The following ST7L variants were observed in gnomAD, a reference collection of about 807,000 sequenced individuals.
ST7L encodes suppressor of tumorigenicity 7 protein-like.
A neutral mutation model predicts 72.5 loss-of-function variants in ST7L; 57 were observed. That is an observed-to-expected ratio of 0.79 (90% confidence interval 0.64 to 0.98). The LOEUF (loss-of-function observed/expected upper bound fraction) is 0.98. Ranked by LOEUF, ST7L falls within the 50% of genes least tolerant of loss-of-function variation. The pLI, the probability that ST7L is intolerant of heterozygous loss-of-function variation, is 0.00. For missense variants in ST7L, 576 were observed against 672.2 expected, an observed-to-expected ratio of 0.86 and a Z score of 1.58; for synonymous variants, 221 against 240.9, an observed-to-expected ratio of 0.92 and a Z score of 0.77.
intron 11 of ST7L, among the ~76,000 whole-genome samples, chr1:112,575,301 T>G (rs926329855): frequency 6.6e-6 from 1 of 152,178 alleles, no homozygotes; most frequent in Non-Finnish European, 1.5e-5. Context: ...AGACTCCCAG[T>G]GGATATCTGA....
chr1:112,574,909 A>G (rs1046506553), intron 11 of ST7L, among the ~76,000 whole-genome samples: 1 of 152,106 alleles, frequency 6.6e-6, no homozygotes, highest in Non-Finnish European at 1.5e-5. Context: ...TTTTTGTCTC[A>G]TACACTTTGC....
intron 11 of ST7L, among the ~76,000 whole-genome samples, chr1:112,574,598 G>T (rs1262641935): frequency 2.6e-5 from 4 of 151,206 alleles, no homozygotes; most frequent in African/African-American, 9.7e-5. Flanking sequence ...GGCAGAGCTT[G>T]CAGTGAGCCT....
intron 4 of ST7L, among the ~76,000 whole-genome samples, chr1:112,599,284 T>C (rs190699759): frequency 5.9e-5 from 9 of 151,836 alleles, no homozygotes; most frequent in South Asian, 2.1e-4. Context: ...CACAGGCTAA[T>C]GGCATCTTTC....
At chr1:112,545,532 C>A (rs1240260677) in intron 13 of ST7L, among the ~76,000 whole-genome samples, 1 of 152,188 alleles carries the variant, frequency 6.6e-6, no homozygotes, top group East Asian at 1.9e-4. Flanking sequence ...ACAAGAACTA[C>A]CACCACCACC....
intron 5 of ST7L, 53 bp downstream of exon 5, chr1:112,597,918 T>A: frequency 7.2e-7 from 1 of 1,382,910 alleles, no homozygotes; most frequent in South Asian, 1.4e-5. Flanking sequence ...TAAAGAACTT[T>A]TAAGATGATC....
intron 14 of ST7L, chr1:112,540,812 G>A (rs1199932021): frequency 1.6e-6 from 2 of 1,288,512 alleles, no homozygotes. Context: ...GGTTCTCAGT[G>A]TTTTCATTTT....
intron 14 of ST7L, chr1:112,527,863 C>T (rs1653719254): frequency 6.6e-6 from 1 of 152,136 alleles, no homozygotes; most frequent in Non-Finnish European, 1.5e-5. Context: ...AGGAATGTAA[C>T]TATGAAGTAA....
downstream of ST7L, chr1:112,520,559 A>C (rs781412787): frequency 2.5e-6 from 4 of 1,584,354 alleles, no homozygotes; most frequent in East Asian, 6.9e-5. Context: ...TCAACTCAAA[A>C]GCACAAGATC....
intron 11 of ST7L, among the ~76,000 whole-genome samples, chr1:112,562,438 TACAA>T (rs1050021779): frequency 7.3e-4 from 111 of 151,886 alleles, no homozygotes; most frequent in African/African-American, 2.5e-3. Context: ...GGGAGAAACA[TACAA>T]ACAGACCAAT....
chr1:112,608,763 C>A (rs981672913), intron 3 of ST7L, among the ~76,000 whole-genome samples: 2 of 152,058 alleles, frequency 1.3e-5, no homozygotes, highest in Non-Finnish European at 2.9e-5. Flanking sequence ...GACCATTATT[C>A]CTTCTTGTAC....
chr1:112,530,145 A>C (rs1654133323), intron 14 of ST7L: 1 of 152,236 alleles, frequency 6.6e-6, no homozygotes, highest in African/African-American at 2.4e-5. Context: ...AATTACCAAT[A>C]AAGTAAATTC....
At chr1:112,529,957 A>C (rs1654105239) in intron 14 of ST7L, 1 of 152,174 alleles carries the variant, frequency 6.6e-6, no homozygotes, top group African/African-American at 2.4e-5. Flanking sequence ...AGAAATATGA[A>C]TGTGCCTCCT....
chr1:112,574,178 A>C (rs1200849010), intron 11 of ST7L, among the ~76,000 whole-genome samples: 1 of 146,408 alleles, frequency 6.8e-6, no homozygotes, highest in Non-Finnish European at 1.5e-5. Context: ...CGGCCTCCCA[A>C]AGTGCTGGGA....
intron 11 of ST7L, among the ~76,000 whole-genome samples, chr1:112,574,440 A>G (rs796088353): frequency 6.6e-6 from 1 of 152,004 alleles, no homozygotes; most frequent in African/African-American, 2.4e-5. Context: ...CGGGCGGATC[A>G]CAAGGTCAGG....
At chr1:112,517,928 G>A in the ST7L span, 1 of 155,490 alleles carries the variant, frequency 6.4e-6, no homozygotes, top group African/African-American at 2.4e-5. Context: ...TCTTATCAGA[G>A]AGTAGTAGGT....
intron 14 of ST7L, chr1:112,527,878 A>C (rs1339281534): frequency 6.6e-6 from 1 of 152,258 alleles, no homozygotes; most frequent in Non-Finnish European, 1.5e-5. Flanking sequence ...AAGTAAAAGG[A>C]AACAGTAAGG....
At chr1:112,571,355 T>G in intron 11 of ST7L, 1 of 456,128 alleles carries the variant, frequency 2.2e-6, no homozygotes, top group Non-Finnish European at 4.4e-6. Context: ...TTTCTACCTA[T>G]AAATAAAAAT....
intron 3 of ST7L, among the ~76,000 whole-genome samples, chr1:112,601,119 T>G (rs551631345): frequency 2.2e-4 from 33 of 152,332 alleles, no homozygotes; most frequent in Admixed American, 1.2e-3. Context: ...ATATGAAGTT[T>G]TAAAACTTCG....
intron 5 of ST7L, among the ~76,000 whole-genome samples, chr1:112,592,598 C>T (rs948893430): frequency 5.9e-5 from 9 of 152,266 alleles, no homozygotes; most frequent in Middle Eastern, 3.4e-3. Context: ...CTAAATATTA[C>T]ATTAAAATAA....
Sources: gnomAD v4.1 joint callset for allele counts (sites outside exome capture counted in the v4.1 genomes callset) on GRCh38, gnomAD v4.1.1 for gene constraint, MANE v1.5 for transcripts, NCBI Gene and HGNC (gene_info 2026-07-23, HGNC 2026-07-21) for gene names.